MEGF11: variants seen among roughly 807,000 people sequenced by gnomAD.
The protein encoded by MEGF11 is multiple EGF like domains 11, also known as multiple epidermal growth factor-like domains protein 11.
In MEGF11, 126 loss-of-function variants were observed where a neutral mutation model predicts 146.6. The observed-to-expected ratio is 0.86, with a 90% CI of 0.74 to 1.00. The LOEUF is 1.00. Among genes scored for constraint, MEGF11 ranks in the 50% least tolerant of loss-of-function variants. The pLI, the probability that MEGF11 is intolerant of heterozygous loss-of-function variation, is 0.00. For missense variants in MEGF11, 1,509 were observed against 1,521.2 expected, an observed-to-expected ratio of 0.99 and a Z score of 0.13; for synonymous variants, 532 against 583.4, an observed-to-expected ratio of 0.91 and a Z score of 1.27.
At chr15:66,051,821 G>A (rs1318365949) in intron 5 of MEGF11, among the ~76,000 whole-genome samples, 2 of 152,230 alleles carry the variant, frequency 1.3e-5, no homozygotes, top group Non-Finnish European at 2.9e-5. Flanking sequence ...TCGTTCAGGT[G>A]CTCATTTAGA....
intron 4 of MEGF11, among the ~76,000 whole-genome samples, chr15:66,097,772 C>T (rs1464448745): frequency 4.3e-5 from 6 of 140,064 alleles, no homozygotes; most frequent in African/African-American, 1.6e-4. Context: ...AAAAAAAATG[C>T]CATCTGTTTC....
At chr15:66,197,501 C>T (rs1240095783) in intron 1 of MEGF11, among the ~76,000 whole-genome samples, 1 of 152,158 alleles carries the variant, frequency 6.6e-6, no homozygotes, top group Non-Finnish European at 1.5e-5. Context: ...CAACTCACTA[C>T]AACCTCCGCC....
intron 5 of MEGF11, among the ~76,000 whole-genome samples, chr15:66,049,861 G>C (rs570519485): frequency 1.3e-5 from 2 of 152,300 alleles, no homozygotes; most frequent in East Asian, 1.9e-4. Context: ...ACTTCCAATA[G>C]TCACGGCGTC....
At chr15:66,035,460 C>T (rs1450429974) in intron 5 of MEGF11, among the ~76,000 whole-genome samples, 1 of 152,188 alleles carries the variant, frequency 6.6e-6, no homozygotes, top group Admixed American at 6.5e-5. Flanking sequence ...CATCTCCGTG[C>T]CTTTGCTCAT....
chr15:66,077,220 C>A (rs960419344), intron 5 of MEGF11, among the ~76,000 whole-genome samples: 15 of 152,226 alleles, frequency 9.9e-5, no homozygotes, highest in African/African-American at 3.4e-4. Context: ...AGCACTGGCA[C>A]CTTTGCTATG....
chr15:66,234,486 A>T (rs1168564708), intron 1 of MEGF11, among the ~76,000 whole-genome samples: 1 of 152,244 alleles, frequency 6.6e-6, no homozygotes, highest in East Asian at 1.9e-4. Context: ...AAGAGTGGGT[A>T]TCAGGCTGTC....
intron 5 of MEGF11, among the ~76,000 whole-genome samples, chr15:66,084,227 A>G (rs908197616): frequency 6.6e-6 from 1 of 152,180 alleles, no homozygotes; most frequent in East Asian, 1.9e-4. Flanking sequence ...ATAAGTGGTT[A>G]ATATCCAGAA....
intron 4 of MEGF11, among the ~76,000 whole-genome samples, chr15:66,102,154 G>C (rs549500205): frequency 1.3e-5 from 2 of 150,488 alleles, no homozygotes; most frequent in Non-Finnish European, 3.0e-5. Context: ...TCGGGCCCCA[G>C]ATCTGCTCGT....
At chr15:66,118,007 C>T (rs942599251) in intron 4 of MEGF11, among the ~76,000 whole-genome samples, 1 of 152,194 alleles carries the variant, frequency 6.6e-6, no homozygotes, top group Non-Finnish European at 1.5e-5. Context: ...AACACACCCA[C>T]TCTGCCCAAA....
chr15:66,179,096 A>T (rs2090471052), intron 1 of MEGF11, among the ~76,000 whole-genome samples: 2 of 152,034 alleles, frequency 1.3e-5, no homozygotes, highest in South Asian at 4.2e-4. Flanking sequence ...CCCGGGAAGC[A>T]TCACAGCCCC....
At position 65,982,594 on chromosome 15, in the gene MEGF11, C is replaced by T; in HGVS notation, c.395-106G>A. ...GCCTTCCCATCTTTGCAGCGCTGCT[C>T]CCCGGACAGGTGGCAGCAAGGGGTG... On this transcript the variant is annotated intron_variant, in intron 5 of 25. Coordinates refer to ENST00000395614, the MANE Select transcript of MEGF11 (RefSeq NM_001385028.1). The surrounding 1 kb of genome is among the most constrained non-coding windows in gnomAD (Gnocchi z 5.6). The T allele has an allele frequency of 2.3e-6, 3 of 1,325,520 alleles. No homozygotes were observed. The highest frequency in any genetic ancestry group is 2.9e-6 in the Non-Finnish European group (3 of 1,019,722). The allele number at this position is 1,325,520 out of a possible 1,614,324, so 82.1% of individuals were successfully genotyped here.
intron 5 of MEGF11, among the ~76,000 whole-genome samples, chr15:66,014,719 G>C (rs2082825981): frequency 6.6e-6 from 1 of 152,176 alleles, no homozygotes; most frequent in Non-Finnish European, 1.5e-5. Flanking sequence ...TCTGTGAGAG[G>C]CAAGAAAATT....
chr15:66,038,046 T>G (rs1190051335), intron 5 of MEGF11, among the ~76,000 whole-genome samples: 1 of 152,258 alleles, frequency 6.6e-6, no homozygotes, highest in Non-Finnish European at 1.5e-5. Flanking sequence ...GTTTTATATG[T>G]AATAAAATTT....
intron 1 of MEGF11, among the ~76,000 whole-genome samples, chr15:66,248,942 T>C (rs1325752072): frequency 6.6e-6 from 1 of 152,172 alleles, no homozygotes; most frequent in Non-Finnish European, 1.5e-5. Flanking sequence ...ATAAATAGAA[T>C]CCAGATGAAA....
At chr15:66,055,181 G>C (rs769208431) in intron 5 of MEGF11, among the ~76,000 whole-genome samples, 1 of 152,138 alleles carries the variant, frequency 6.6e-6, no homozygotes, top group Non-Finnish European at 1.5e-5. Flanking sequence ...AAACTGTACC[G>C]GTTTAGCTCT....
chr15:66,030,352 A>G (rs1228408179), intron 5 of MEGF11, among the ~76,000 whole-genome samples: 1 of 152,116 alleles, frequency 6.6e-6, no homozygotes, highest in Non-Finnish European at 1.5e-5. Flanking sequence ...TATCCCATAC[A>G]TGTTGTATAC....
intron 5 of MEGF11, among the ~76,000 whole-genome samples, chr15:66,061,515 C>T (rs1483250136): frequency 6.6e-6 from 1 of 152,162 alleles, no homozygotes; most frequent in Non-Finnish European, 1.5e-5. Flanking sequence ...CTGACAGCTA[C>T]AGCAGAGACA....
At chr15:66,074,267 T>TG (rs2085486611) in intron 5 of MEGF11, among the ~76,000 whole-genome samples, 1 of 152,238 alleles carries the variant, frequency 6.6e-6, no homozygotes, top group East Asian at 1.9e-4. Flanking sequence ...TGATACCATA[T>TG]GGTTTGTATG....
rs143466900 is a variant in MEGF11 at position 66,078,500 on chromosome 15, C to T, written c.394+15902G>A. ...CCACAGGTGGGCAGGGGCTGGCTGG[C>T]GCTGACATTCTTGGGGGCAGGGCTC... On this transcript the variant is annotated intron_variant, in intron 5 of 25. Coordinates refer to ENST00000395614, the MANE Select transcript of MEGF11 (RefSeq NM_001385028.1). Among the ~76,000 whole-genome samples, 8 of 152,340 alleles carry T rather than the reference C, an allele frequency of 5.3e-5. No homozygotes were observed. In the East Asian group the frequency reaches 1.5e-3, roughly 29 times the overall value.
Sources: allele counts gnomAD v4.1 joint callset (sites outside exome capture counted in the v4.1 genomes callset), GRCh38; gene constraint gnomAD v4.1.1; non-coding constraint Gnocchi (gnomAD v3.1); transcripts MANE v1.5; gene names NCBI Gene and HGNC (gene_info 2026-07-23, HGNC 2026-07-21).